The following PRKG1 variants were observed in gnomAD, a reference collection of about 807,000 sequenced individuals.
The protein encoded by PRKG1 is cGMP-dependent protein kinase 1.
A neutral mutation model predicts 88.1 loss-of-function variants in PRKG1; 35 were observed. That is an observed-to-expected ratio of 0.40 (90% confidence interval 0.30 to 0.53). The LOEUF (loss-of-function observed/expected upper bound fraction) is 0.53. PRKG1 is among the 20% of genes least tolerant of loss of function. The pLI, the probability that PRKG1 is intolerant of heterozygous loss-of-function variation, is 0.59. For missense variants in PRKG1, 540 were observed against 839.8 expected (o/e 0.64, Z 4.41); for synonymous variants, 303 against 292.5 (o/e 1.04, Z -0.37).
At chr10:51,199,803 G>A (rs545363710) in intron 2 of PRKG1, among the ~76,000 whole-genome samples, 58 of 152,156 alleles carry the variant, frequency 3.8e-4, no homozygotes, top group Non-Finnish European at 6.3e-4. Context: ...GACGCTTTGG[G>A]CTAGGGCTGG....
At chr10:51,270,110 G>A (rs180869398) in intron 2 of PRKG1, among the ~76,000 whole-genome samples, 1 of 152,164 alleles carries the variant, frequency 6.6e-6, no homozygotes. Context: ...TGGCATTCTT[G>A]TTTGTTGATA....
chr10:51,078,695 C>A (rs1433177121), intron 1 of PRKG1, among the ~76,000 whole-genome samples: 1 of 151,776 alleles, frequency 6.6e-6, no homozygotes, highest in Admixed American at 6.6e-5. Flanking sequence ...CAGCTCACTG[C>A]AAGCTCTGCC....
intron 3 of PRKG1, among the ~76,000 whole-genome samples, chr10:51,541,905 A>C (rs1379118478): frequency 6.6e-6 from 1 of 152,172 alleles, no homozygotes; most frequent in African/African-American, 2.4e-5. Context: ...AGAACTTATT[A>C]ATTTTTAGCA....
At chr10:52,020,126 A>T (rs1048001251) in intron 5 of PRKG1, among the ~76,000 whole-genome samples, 1 of 152,054 alleles carries the variant, frequency 6.6e-6, no homozygotes, top group African/African-American at 2.4e-5. Flanking sequence ...AGATAATAAA[A>T]TTTACTCATT....
intron 2 of PRKG1, among the ~76,000 whole-genome samples, chr10:51,449,386 T>C (rs558582679): frequency 6.6e-6 from 1 of 151,482 alleles, no homozygotes; most frequent in East Asian, 1.9e-4. Context: ...ATGTAAGCCC[T>C]TTTGTCTTGG....
intron 4 of PRKG1, among the ~76,000 whole-genome samples, chr10:51,826,887 CT>C (rs1342619320): frequency 6.6e-6 from 1 of 152,118 alleles, no homozygotes; most frequent in African/African-American, 2.4e-5. Flanking sequence ...TTGTTATTGC[CT>C]GTAAGAAGAC....
At chr10:51,714,599 A>G (rs944450416) in intron 3 of PRKG1, among the ~76,000 whole-genome samples, 6 of 152,210 alleles carry the variant, frequency 3.9e-5, no homozygotes, top group Non-Finnish European at 8.8e-5. Flanking sequence ...GGGATGTGGT[A>G]GGTCAAAATT....
chr10:52,066,657 T>C (rs1452549862), intron 7 of PRKG1, among the ~76,000 whole-genome samples: 4 of 152,298 alleles, frequency 2.6e-5, no homozygotes, highest in Middle Eastern at 3.4e-3. Flanking sequence ...GGAAGTCTTA[T>C]GTGATGAGGA....
intron 1 of PRKG1, among the ~76,000 whole-genome samples, chr10:51,078,905 C>T (rs9415709): frequency 0.25 from 38,182 of 151,952 alleles, 5,011 homozygotes; most frequent in African/African-American, 0.3. Context: ...TGTGAGCCAC[C>T]GCACCCGGCC....
chr10:51,349,701 T>C (rs181943393), intron 2 of PRKG1, among the ~76,000 whole-genome samples: 16 of 152,136 alleles, frequency 1.1e-4, no homozygotes, highest in Admixed American at 9.2e-4. Context: ...GAGACGGGGT[T>C]TCACCATGTT....
intron 3 of PRKG1, among the ~76,000 whole-genome samples, chr10:51,793,127 T>A: frequency 2.3e-5 from 2 of 86,658 alleles, no homozygotes; most frequent in African/African-American, 5.0e-5. Flanking sequence ...TTAAAGAAGG[T>A]CAGCACACTG....
At chr10:52,196,237 C>T (rs1449270415) in intron 9 of PRKG1, among the ~76,000 whole-genome samples, 6 of 151,992 alleles carry the variant, frequency 3.9e-5, no homozygotes, top group African/African-American at 9.7e-5. Context: ...AGGATGGTCT[C>T]GATCTCCTGA....
chr10:51,581,464 C>A (rs999005533), intron 3 of PRKG1, among the ~76,000 whole-genome samples: 1 of 152,064 alleles, frequency 6.6e-6, no homozygotes, highest in African/African-American at 2.4e-5. Flanking sequence ...CCTATCTTAT[C>A]CATATGGACA....
At chr10:51,892,818 A>G (rs566834690) in intron 4 of PRKG1, among the ~76,000 whole-genome samples, 1 of 152,296 alleles carries the variant, frequency 6.6e-6, no homozygotes, top group Non-Finnish European at 1.5e-5. Flanking sequence ...TTGAAGAACA[A>G]GGAGTGGGGG....
At chr10:51,695,515 A>G (rs1471490479) in intron 3 of PRKG1, 1 of 152,226 alleles carries the variant, frequency 6.6e-6, no homozygotes, top group East Asian at 1.9e-4. Context: ...TATTTTCTGC[A>G]TGAAACAATG....
chr10:51,478,669 C>T lies in PRKG1; in HGVS notation c.592+10833C>T, dbSNP rs1211234902. ...AGGCAAAAATCTATCAATTTAAGTGCAATTTGTCTCTGACACACAACCAAT... is the reference window on the plus strand; with the variant it reads ...AGGCAAAAATCTATCAATTTAAGTGTAATTTGTCTCTGACACACAACCAAT... On this transcript the variant is annotated intron_variant, in intron 3 of 17. Transcript: ENST00000373980. Among the ~76,000 whole-genome samples, 5 of 151,134 alleles carry T rather than the reference C, an allele frequency of 3.3e-5. No individual in the cohort carries two copies. The South Asian group carries it at 8.3e-4, about 25-fold the overall frequency.
At chr10:52,273,208 A>G (rs56162198) in intron 12 of PRKG1, among the ~76,000 whole-genome samples, 1 of 152,188 alleles carries the variant, frequency 6.6e-6, no homozygotes, top group Non-Finnish European at 1.5e-5. Flanking sequence ...AATTTATCCT[A>G]TAAAATGTCT....
At chr10:51,707,661 T>G (rs554347563) in intron 3 of PRKG1, among the ~76,000 whole-genome samples, 8 of 152,112 alleles carry the variant, frequency 5.3e-5, no homozygotes, top group Non-Finnish European at 8.8e-5. Flanking sequence ...GCCACTCACT[T>G]CAGAAATTTG....
intron 4 of PRKG1, among the ~76,000 whole-genome samples, chr10:51,827,822 C>G (rs1277187420): frequency 1.3e-5 from 2 of 152,044 alleles, no homozygotes; most frequent in Non-Finnish European, 2.9e-5. Context: ...ATTCCTGGAA[C>G]AATTCAGAAA....
Sources: gnomAD v4.1 joint callset for allele counts (sites outside exome capture counted in the v4.1 genomes callset) on GRCh38, gnomAD v4.1.1 for gene constraint, MANE v1.5 for transcripts, NCBI Gene and HGNC (gene_info 2026-07-23, HGNC 2026-07-21) for gene names.